Variants in ERI3 observed in about 807,000 individuals in gnomAD.
ERI3 encodes the protein ERI1 exoribonuclease family member 3, also known as ERI1 exoribonuclease 3.
ERI3 carries 18 observed loss-of-function variants against 44.4 expected under a neutral mutation model. That is an observed-to-expected ratio of 0.41 (90% CI 0.28 to 0.60). ERI3 has a LOEUF of 0.60. Ranked by LOEUF, ERI3 falls within the 20% of genes least tolerant of loss-of-function variation. The pLI, the probability that ERI3 is intolerant of heterozygous loss-of-function variation, is 0.36. For synonymous variants in ERI3, 183 were observed against 164.8 expected, an observed-to-expected ratio of 1.11 and a Z score of -0.84; for missense variants, 294 against 435.5, an observed-to-expected ratio of 0.68 and a Z score of 2.89.
intron 8 of ERI3, among the ~76,000 whole-genome samples, chr1:44,242,724 T>G (rs1644465717): frequency 6.6e-6 from 1 of 152,134 alleles, no homozygotes; most frequent in South Asian, 2.1e-4. Flanking sequence ...GTAGCAGGAA[T>G]AGGGTGATCA....
intron 3 of ERI3, among the ~76,000 whole-genome samples, chr1:44,335,087 C>G (rs1477542783): frequency 3.3e-5 from 5 of 152,190 alleles, no homozygotes; most frequent in African/African-American, 9.7e-5. Flanking sequence ...CACCTGTAAT[C>G]AGAGCACTTT....
intron 6 of ERI3, 60 bp downstream of exon 6, chr1:44,308,250 G>T: frequency 8.0e-7 from 1 of 1,252,788 alleles, no homozygotes; most frequent in Non-Finnish European, 1.2e-6. Context: ...CCTCCAAAAG[G>T]CCAGACCTGG....
intron 7 of ERI3, among the ~76,000 whole-genome samples, chr1:44,259,689 G>GACACACACACAGACAC (rs1644849098): frequency 7.1e-6 from 1 of 140,282 alleles, no homozygotes; most frequent in Non-Finnish European, 1.5e-5. Context: ...AAAACACACA[G>GACACACACACAGACAC]ACACACACAC....
rs1644593015 is a variant in ERI3 at position 44,248,103 on chromosome 1, G to T, written c.832-65C>A. ...CCTCTGAACCAACCCCACTCACAAG[G>T]TCTTCCCCCCACCCCCCAAATCTTT... is the stretch of plus-strand genomic sequence containing the variant. On this transcript the variant is annotated intron_variant, in intron 7 of 8. Coordinates refer to ENST00000372257, the MANE Select transcript of ERI3 (RefSeq NM_024066.3). 4.6e-6 allele frequency: 5 copies of T among 1,096,822 alleles called. No homozygotes were observed. The South Asian group carries it at 7.3e-5, about 16-fold the overall frequency. The allele number at this position is 1,096,822 out of a possible 1,614,324, so 67.9% of individuals were successfully genotyped here. A position where few individuals can be genotyped will look rare whatever the true frequency, so the allele number is the denominator to read the frequency against.
Position 44,297,690 on chromosome 1 carries a change from TAGG to T in ERI3, c.758+10617_758+10619del, listed in dbSNP as rs1180356683. Among the ~76,000 whole-genome samples, 8 of 152,288 alleles carry T rather than the reference TAGG, an allele frequency of 5.3e-5. No individual in the cohort carries two copies. In the East Asian group the frequency reaches 1.2e-3, roughly 22 times the overall value. ...GCCTGGATCTGCATAGCATCTGCAC[TAGG>T]AGAACTGGTGGTTTGCTTTAGCACA... On this transcript the variant is annotated intron_variant, in intron 6 of 8. Transcript: ENST00000372257.
At chr1:44,230,441 T>G (rs929783171) in intron 8 of ERI3, 1 of 152,256 alleles carries the variant, frequency 6.6e-6, no homozygotes, top group Non-Finnish European at 1.5e-5. Flanking sequence ...AGATCTGCCA[T>G]ACCTGGCAGC....
At chr1:44,272,438 C>T (rs1391589505) in intron 7 of ERI3, among the ~76,000 whole-genome samples, 2 of 152,220 alleles carry the variant, frequency 1.3e-5, no homozygotes, top group African/African-American at 2.4e-5. Flanking sequence ...CCACATCCCA[C>T]CTCCCCAGGA....
rs115469124 is a variant in ERI3, at chr1:44,229,690, G to C, written c.932-8050C>G. Among the ~76,000 whole-genome samples the C allele has an allele frequency of 9.5e-3, 1,445 of 152,330 alleles. 28 individuals carry two copies. Among genetic ancestry groups the C allele is most frequent in the African/African-American group, 0.033 (1,377 of 41,566 alleles). ...TGTGGGCCCGCCCTAATGCTCAGGG[G>C]CCTGGGCGTACAGGTCTGAGGACAC... On this transcript the variant is annotated intron_variant, in intron 8 of 8. Transcript: ENST00000372257.
chr1:44,310,951 T>TCGCGCGCGCGCGCGCGCG (rs141114785), intron 5 of ERI3, among the ~76,000 whole-genome samples: 3 of 95,022 alleles, frequency 3.2e-5, no homozygotes, highest in Non-Finnish European at 6.5e-5. Context: ...TATGTGCACA[T>TCGCGCGCGCGCGCGCGCG]CGCGCGCGCG....
In ERI3 at chr1:44,355,055, G is replaced by T. The variant is rs774928844; in HGVS notation, c.-29C>A. The T allele has an allele frequency of 6.6e-6, 9 of 1,355,362 alleles. No individual in the cohort carries two copies. The highest frequency in any genetic ancestry group is 4.3e-5 in the South Asian group (2 of 46,646). 84.0% of individuals were successfully genotyped at this position (1,355,362 alleles called of 1,614,324 possible). ...AACGCCCCCTCCTCGGGGCCAGCGC[G>T]GCAGGCTCCCTCCAGGTGCAGGCCC... On this transcript the variant is annotated 5_prime_UTR_variant, in exon 1 of 9. Coordinates refer to ENST00000372257, the MANE Select transcript of ERI3 (RefSeq NM_024066.3).
At chr1:44,284,812 C>T (rs984505545) in intron 7 of ERI3, 23 bp downstream of exon 7, 2 of 1,605,556 alleles carry the variant, frequency 1.2e-6, no homozygotes, top group South Asian at 1.1e-5. Flanking sequence ...GGGAAGCACC[C>T]AGTTGGGGCT....
chr1:44,252,247 G>C lies in ERI3; in HGVS notation c.832-4209C>G, dbSNP rs112738214. ...TACCAAGCCAAACCACCTCAGCCCT[G>C]TGCCAGGCAGGCACGCACACACGCT... On this transcript the variant is annotated intron_variant, in intron 7 of 8. Transcript: ENST00000372257. This position sits in a 1 kb window ranked among gnomAD's most constrained non-coding sequence, Gnocchi z 4.7. Among the ~76,000 whole-genome samples, 822 of 152,350 alleles carry C rather than the reference G, an allele frequency of 5.4e-3. 7 individuals are homozygous for C. The highest frequency in any genetic ancestry group is 0.019 in the African/African-American group (776 of 41,580).
intron 6 of ERI3, among the ~76,000 whole-genome samples, chr1:44,288,061 C>T (rs547494499): frequency 1.3e-5 from 2 of 152,266 alleles, no homozygotes; most frequent in African/African-American, 4.8e-5. Context: ...GTAGGCATTT[C>T]CACTGCCTAG....
chr1:44,308,479 G>A, intron 5 of ERI3, 78 bp from the exon 6 acceptor site: 1 of 1,085,296 alleles, frequency 9.2e-7, no homozygotes. Context: ...GCAAAACACA[G>A]ATAAGCTGCT....
intron 7 of ERI3, among the ~76,000 whole-genome samples, chr1:44,268,809 T>C (rs1419366111): frequency 1.3e-5 from 2 of 152,234 alleles, no homozygotes; most frequent in Admixed American, 1.3e-4. Flanking sequence ...GGCTGCTCCC[T>C]GCCGTTAGGG....
At chr1:44,342,250 A>G (rs1182024691) in intron 2 of ERI3, among the ~76,000 whole-genome samples, 1 of 152,178 alleles carries the variant, frequency 6.6e-6, no homozygotes, top group Non-Finnish European at 1.5e-5. Flanking sequence ...GGGGATGTGG[A>G]GAGCATCCAT....
At chr1:44,289,957 T>A (rs1645471345) in intron 6 of ERI3, among the ~76,000 whole-genome samples, 1 of 152,254 alleles carries the variant, frequency 6.6e-6, no homozygotes. Flanking sequence ...GGCACCATAC[T>A]GGAAAAGGCG....
rs556406472 is a variant in ERI3, at chr1:44,265,142, A to G, written c.832-17104T>C. On this transcript the variant is annotated intron_variant, in intron 7 of 8. Coordinates refer to ENST00000372257, the MANE Select transcript of ERI3 (RefSeq NM_024066.3). ...CTTAAAACAATTCAGAGGCCCCCAG[A>G]AGCGGGAAGGAGAACAAGTGGAGTC... 5.4e-3 allele frequency among the ~76,000 whole-genome samples: 302 copies of G among 56,330 alleles called. 1 individual carries two copies. The highest frequency in any genetic ancestry group is 0.046 in the South Asian group (55 of 1,196). 37.0% of individuals were successfully genotyped at this position (56,330 alleles called of 152,430 possible).
intron 7 of ERI3, among the ~76,000 whole-genome samples, chr1:44,276,270 A>C (rs535347496): frequency 2.5e-4 from 38 of 152,280 alleles, no homozygotes; most frequent in Admixed American, 5.9e-4. Flanking sequence ...CCAAACCATA[A>C]CACCACCCTA....
Sources: gnomAD v4.1 joint callset for allele counts (sites outside exome capture counted in the v4.1 genomes callset) on GRCh38, gnomAD v4.1.1 for gene constraint, Gnocchi (gnomAD v3.1) non-coding constraint, MANE v1.5 for transcripts, NCBI Gene and HGNC (gene_info 2026-07-23, HGNC 2026-07-21) for gene names.